Variants in TOGARAM2 observed in about 807,000 individuals in gnomAD.
TOGARAM2 encodes TOG array regulator of axonemal microtubules 2, also known as TOG array regulator of axonemal microtubules protein 2.
A neutral mutation model predicts 93.3 loss-of-function variants in TOGARAM2; 85 were observed. That is an observed-to-expected ratio of 0.91 (90% CI 0.76 to 1.09). The LOEUF is 1.09. Ranked by LOEUF, TOGARAM2 falls within the 50% of genes least tolerant of loss-of-function variation. The pLI, the probability that TOGARAM2 is intolerant of heterozygous loss-of-function variation, is 0.00. For missense variants in TOGARAM2, 1,277 were observed against 1,334.5 expected (o/e 0.96, Z 0.67); for synonymous variants, 593 against 552.8 (o/e 1.07, Z -1.02).
intron 1 of TOGARAM2, among the ~76,000 whole-genome samples, chr2:28,986,141 G>A (rs1303657258): frequency 6.7e-6 from 1 of 149,696 alleles, no homozygotes; most frequent in Admixed American, 6.6e-5. Context: ...GATGTAGTGT[G>A]AGAGATGTCT....
chr2:28,956,564 G>A (rs1016214956), upstream of TOGARAM2: 2 of 152,182 alleles, frequency 1.3e-5, no homozygotes, highest in African/African-American at 2.4e-5. This position sits in a 1 kb window ranked among gnomAD's most constrained non-coding sequence, Gnocchi z 4.5. Flanking sequence ...GCTGTGTTAC[G>A]GCTGCGCTTC....
rs760125956 is a variant in TOGARAM2 at position 28,999,225 on chromosome 2, C to T, written c.184C>T (p.Pro62Ser). 17 of 1,613,722 alleles carry T rather than the reference C, an allele frequency of 1.1e-5. No individual in the cohort carries two copies. The Admixed American group carries it at 1.7e-4, about 16-fold the overall frequency. The change falls in exon 4 of 20, where the codon CCG becomes TCG. Residue 62 changes from proline (P) to serine (S), a missense_variant. Transcript: ENST00000379558. ...AAGAGCCCTGCTGAACAACGAGGAA[C>T]CGTCACAGCTCCTGCGTGGACTCGG... ...EPRALLNNEEPSQLLRGLGQL... is the reference protein window; with the variant it reads ...EPRALLNNEESSQLLRGLGQL...
intron 9 of TOGARAM2, 124 bp downstream of exon 9, chr2:29,017,428 A>G (rs1664653501): frequency 2.0e-6 from 2 of 996,710 alleles, no homozygotes; most frequent in African/African-American, 1.7e-5. Flanking sequence ...TTATTTAGAG[A>G]TGGAGCCTCA....
At chr2:29,043,044 A>G (rs1385407703) in intron 18 of TOGARAM2, among the ~76,000 whole-genome samples, 1 of 152,256 alleles carries the variant, frequency 6.6e-6, no homozygotes, top group African/African-American at 2.4e-5. Context: ...CGGAGGAAGA[A>G]GTCCTTGTCT....
rs1303335981 is a variant in TOGARAM2, at chr2:29,024,161, T to A, written c.1640T>A (p.Val547Glu). The change falls in exon 13 of 20, where the codon GTG (valine) becomes GAG (glutamate). Residue 547 changes from valine (V) to glutamate (E), a missense_variant. Physicochemically the swap from Val to Glu is moderately radical, Grantham distance 121 (BLOSUM62 -2). Transcript: ENST00000379558. The part of the protein sequence containing the change: ...TGEVTNLRSK[V>E]SHLAISTLGD... ...AAGGTCACCAACCTGCGGTCCAAGG[T>A]GTCTCACCTGGCCATCAGCACCTTG... is the stretch of plus-strand genomic sequence containing the variant. The A allele has an allele frequency of 6.3e-7, 1 of 1,586,238 alleles. No individual in the cohort carries two copies.
At chr2:28,992,184 G>C (rs977472569) in intron 1 of TOGARAM2, among the ~76,000 whole-genome samples, 5 of 152,166 alleles carry the variant, frequency 3.3e-5, no homozygotes, top group African/African-American at 1.2e-4. Flanking sequence ...GATTTTTATA[G>C]TTTGGATATG....
At position 29,024,357 on chromosome 2, in the gene TOGARAM2, C is replaced by T. The variant is rs1395732228; in HGVS notation, c.1836C>T (p.Leu612=). The T allele has an allele frequency of 2.5e-6, 4 of 1,607,974 alleles. No homozygotes were observed. In the African/African-American group the frequency reaches 4.0e-5, roughly 16 times the overall value. The change falls in exon 13 of 20, where the codon CTC becomes CTT. Residue 612 remains leucine, a synonymous_variant. Coordinates refer to ENST00000379558, the MANE Select transcript of TOGARAM2 (RefSeq NM_199280.4). ...NVTLARSLVV[L]TSAGVYHRNP... is the part of the protein sequence containing the mutation. ...CCCTTGCCCGCTCCCTGGTGGTCCT[C>T]ACCTCGGCGGGTGTCTAGTATGTGG...
intron 14 of TOGARAM2, among the ~76,000 whole-genome samples, chr2:29,029,681 G>A (rs1447566166): frequency 1.3e-5 from 2 of 148,746 alleles, no homozygotes; most frequent in East Asian, 1.9e-4. Flanking sequence ...GCGTGAACCC[G>A]GGAGGCGGAG....
At chr2:28,980,024 C>T (rs1044946030), upstream of TOGARAM2, among the ~76,000 whole-genome samples, 3 of 152,220 alleles carry the variant, frequency 2.0e-5, no homozygotes, top group Non-Finnish European at 4.4e-5. Context: ...TGCCAGGCCT[C>T]TCTTTCCCCA....
intron 1 of TOGARAM2, among the ~76,000 whole-genome samples, chr2:28,993,011 G>C (rs1464433295): frequency 6.8e-6 from 1 of 146,382 alleles, no homozygotes; most frequent in East Asian, 2.0e-4. Context: ...AGTGAGCCAA[G>C]ATCATGCCAC....
chr2:29,021,441 C>T (rs1664939423), intron 10 of TOGARAM2, among the ~76,000 whole-genome samples: 1 of 152,208 alleles, frequency 6.6e-6, no homozygotes, highest in African/African-American at 2.4e-5. Context: ...CTCTGGGCCT[C>T]TGGGACCTCA....
chr2:29,004,819 A>G (rs1007347399), intron 6 of TOGARAM2, among the ~76,000 whole-genome samples: 4 of 147,776 alleles, frequency 2.7e-5, no homozygotes, highest in Non-Finnish European at 6.0e-5. Context: ...TGTGTGGAGT[A>G]TGTGTGTGCA....
In TOGARAM2 at chr2:29,032,883, A is replaced by G. The variant is rs1665853565; in HGVS notation, c.2013-51A>G. 3.3e-6 allele frequency: 5 copies of G among 1,492,986 alleles called. No homozygotes were observed. The Admixed American group carries it at 7.8e-5, about 23-fold the overall frequency. 92.5% of individuals were successfully genotyped at this position (1,492,986 alleles called of 1,614,324 possible). ...TTATGTAAAGCTGTAAAGCAAATTT[A>G]TTTTGCATTTCAGAGGCTGTTTCTT... On this transcript the variant is annotated intron_variant, in intron 14 of 19. Transcript: ENST00000379558.
chr2:29,021,215 T>C (rs1664923699), intron 10 of TOGARAM2, among the ~76,000 whole-genome samples: 1 of 152,190 alleles, frequency 6.6e-6, no homozygotes, highest in African/African-American at 2.4e-5. Context: ...TGCCCGGCTG[T>C]GCGTCCACTT....
chr2:28,978,316 C>T (rs1215029212), upstream of TOGARAM2, among the ~76,000 whole-genome samples: 1 of 133,574 alleles, frequency 7.5e-6, no homozygotes, highest in Non-Finnish European at 1.6e-5. Context: ...AGCTACATCC[C>T]AGAGCAAGGG....
intron 13 of TOGARAM2, among the ~76,000 whole-genome samples, chr2:29,026,362 G>A (rs1199310678): frequency 1.3e-5 from 2 of 152,096 alleles, no homozygotes; most frequent in East Asian, 3.8e-4. Flanking sequence ...CCTGGTCCCC[G>A]CCCACAGGGA....
At chr2:29,017,675 T>G in intron 9 of TOGARAM2, 117 bp from the exon 10 acceptor site, 23 of 1,003,522 alleles carry the variant, frequency 2.3e-5, no homozygotes, top group Non-Finnish European at 3.0e-5. Context: ...ACTCCCAACA[T>G]GTTGGGGGTA....
In TOGARAM2 at chr2:29,035,612, C is replaced by T. The variant is rs1666054621; in HGVS notation, c.2374C>T (p.Leu792Phe). ...GGAAGGCGTGGGGCAGCTCCTGGAGCTCTGCAAGGCCAAGACGGAGCTTGT... is the reference window on the plus strand; with the variant it reads ...GGAAGGCGTGGGGCAGCTCCTGGAGTTCTGCAAGGCCAAGACGGAGCTTGT... ...RMEGVGQLLE[L>F]CKAKTELVTA... Residue 792 changes from leucine (L) to phenylalanine (F), a missense_variant, in exon 17 of 20, where the codon CTC (leucine) becomes TTC (phenylalanine). Transcript: ENST00000379558. The T allele has an allele frequency of 6.4e-7, 1 of 1,568,414 alleles. No individual in the cohort carries two copies. The highest frequency in any genetic ancestry group is 8.6e-7 in the Non-Finnish European group (1 of 1,157,278).
chr2:29,004,494 A>T (rs552280083), intron 6 of TOGARAM2, among the ~76,000 whole-genome samples: 93 of 152,222 alleles, frequency 6.1e-4, no homozygotes, highest in African/African-American at 2.2e-3. Context: ...TATGGCTTGT[A>T]AGTAAGACAG....
Sources: gnomAD v4.1 joint callset for allele counts (sites outside exome capture counted in the v4.1 genomes callset) on GRCh38, gnomAD v4.1.1 for gene constraint, Gnocchi (gnomAD v3.1) non-coding constraint, MANE v1.5 for transcripts, NCBI Gene and HGNC (gene_info 2026-07-23, HGNC 2026-07-21) for gene names.